The following AGMO variants were observed in gnomAD, a reference collection of about 807,000 sequenced individuals.
AGMO encodes the protein alkylglycerol monooxygenase, also known as glyceryl-ether monooxygenase.
In AGMO, 75 loss-of-function variants were observed where a neutral mutation model predicts 60.2. The observed-to-expected ratio is 1.25, with a 90% CI of 1.03 to 1.51. The LOEUF (loss-of-function observed/expected upper bound fraction) is 1.51. Ranked by LOEUF, AGMO falls within the 40% of genes most tolerant of loss-of-function variation. The pLI is 0.00. For synonymous variants in AGMO, 261 were observed against 177.1 expected (o/e 1.47, Z -3.76); for missense variants, 763 against 525.5 (o/e 1.45, Z -4.42).
the AGMO span, among the ~76,000 whole-genome samples, chr7:15,162,647 T>C: frequency 6.6e-6 from 1 of 152,108 alleles, no homozygotes; most frequent in South Asian, 2.1e-4. Context: ...TGAGCTGTAA[T>C]AGCACCACTG....
At chr7:15,415,387 A>T (rs955617441) in intron 5 of AGMO, among the ~76,000 whole-genome samples, 3 of 151,972 alleles carry the variant, frequency 2.0e-5, no homozygotes, top group African/African-American at 7.2e-5. Flanking sequence ...TACTAAAAAT[A>T]CAAAAATTAG....
chr7:15,552,478 AAAAC>A (rs1238662710), intron 2 of AGMO, among the ~76,000 whole-genome samples: 7 of 150,976 alleles, frequency 4.6e-5, no homozygotes, highest in Admixed American at 1.3e-4. Context: ...TTACAAGAAA[AAAAC>A]AAACAACCCC....
the AGMO span, among the ~76,000 whole-genome samples, chr7:15,142,274 A>ATTTT: frequency 6.6e-6 from 1 of 152,272 alleles, no homozygotes; most frequent in Middle Eastern, 3.4e-3. Flanking sequence ...GGGAAATCCA[A>ATTTT]AGTTAGTTAT....
chr7:15,552,589 A>G (rs2115300748), intron 2 of AGMO, among the ~76,000 whole-genome samples: 1 of 149,664 alleles, frequency 6.7e-6, no homozygotes, highest in East Asian at 2.0e-4. Context: ...ATCACTGGCC[A>G]TCAGAGAAAT....
At chr7:15,224,570 T>C (rs1293717879) in intron 12 of AGMO, among the ~76,000 whole-genome samples, 1 of 152,042 alleles carries the variant, frequency 6.6e-6, no homozygotes. Context: ...AAATTTCTGT[T>C]GTTTAAGCCA....
intron 12 of AGMO, among the ~76,000 whole-genome samples, chr7:15,319,154 T>C (rs1781030301): frequency 6.6e-6 from 1 of 152,170 alleles, no homozygotes; most frequent in African/African-American, 2.4e-5. Flanking sequence ...AGGTTTTATT[T>C]TTCTGTAATG....
intron 3 of AGMO, among the ~76,000 whole-genome samples, chr7:15,514,128 T>C (rs1783747870): frequency 6.6e-6 from 1 of 152,130 alleles, no homozygotes; most frequent in African/African-American, 2.4e-5. Context: ...ACTTCCTCAT[T>C]GACATTTCCA....
intron 10 of AGMO, among the ~76,000 whole-genome samples, chr7:15,369,896 T>C (rs149430749): frequency 1.0e-3 from 154 of 152,314 alleles, no homozygotes; most frequent in African/African-American, 3.4e-3. Flanking sequence ...ACTGAATCTA[T>C]TTCATTTTTT....
chr7:15,256,872 A>G (rs1563057313), intron 12 of AGMO, among the ~76,000 whole-genome samples: 3 of 152,198 alleles, frequency 2.0e-5, no homozygotes, highest in Non-Finnish European at 4.4e-5. Flanking sequence ...GGCATGGGAA[A>G]ATCATAAACT....
chr7:15,461,954 C>A (rs1782154691), intron 3 of AGMO, among the ~76,000 whole-genome samples: 1 of 151,964 alleles, frequency 6.6e-6, no homozygotes. Flanking sequence ...TATTTATATA[C>A]CACAAATGGT....
chr7:15,408,520 A>G (rs1428391505), intron 5 of AGMO, among the ~76,000 whole-genome samples: 2 of 151,868 alleles, frequency 1.3e-5, no homozygotes, highest in Non-Finnish European at 2.9e-5. Context: ...CAACTCAACC[A>G]GTGTATAATG....
At chr7:15,539,125 GATT>G (rs1229932766) in intron 3 of AGMO, among the ~76,000 whole-genome samples, 4 of 151,870 alleles carry the variant, frequency 2.6e-5, no homozygotes, top group South Asian at 2.1e-4. Context: ...TAATTTTTAT[GATT>G]ATTATTATTA....
chr7:15,319,027 T>A (rs1781026542), intron 12 of AGMO, among the ~76,000 whole-genome samples: 1 of 152,156 alleles, frequency 6.6e-6, no homozygotes, highest in South Asian at 2.1e-4. Context: ...AGTTGATTAT[T>A]GCCAAACTCT....
chr7:15,154,630 T>C, the AGMO span, among the ~76,000 whole-genome samples: 8 of 152,190 alleles, frequency 5.3e-5, no homozygotes, highest in African/African-American at 1.9e-4. Flanking sequence ...ATGTGAAGAT[T>C]TGATCATGTG....
intron 3 of AGMO, among the ~76,000 whole-genome samples, chr7:15,521,525 A>T (rs760798692): frequency 1.2e-4 from 18 of 152,228 alleles, no homozygotes; most frequent in Non-Finnish European, 1.9e-4. Flanking sequence ...CATCCCTGAG[A>T]TGCAAGGCTG....
intron 12 of AGMO, among the ~76,000 whole-genome samples, chr7:15,323,706 A>T (rs894801855): frequency 1.3e-5 from 2 of 152,202 alleles, no homozygotes; most frequent in African/African-American, 4.8e-5. Flanking sequence ...TATGGGATGG[A>T]AAAGACTGCC....
intron 3 of AGMO, among the ~76,000 whole-genome samples, chr7:15,536,779 G>A (rs543784745): frequency 1.1e-4 from 17 of 151,924 alleles, no homozygotes; most frequent in South Asian, 2.1e-4. Context: ...GATGATTACC[G>A]CAAAAATCTT....
intron 12 of AGMO, among the ~76,000 whole-genome samples, chr7:15,280,847 C>T (rs777800642): frequency 5.9e-5 from 9 of 152,174 alleles, no homozygotes; most frequent in Non-Finnish European, 8.8e-5. Flanking sequence ...TCTGAGAAAG[C>T]CAACACACTA....
At chr7:15,231,222 G>T (rs1243037970) in intron 12 of AGMO, among the ~76,000 whole-genome samples, 1 of 152,314 alleles carries the variant, frequency 6.6e-6, no homozygotes, top group Middle Eastern at 3.4e-3. Context: ...AATGGAAGTT[G>T]CAGTAGGACA....
Sources: allele counts gnomAD v4.1 joint callset (sites outside exome capture counted in the v4.1 genomes callset), GRCh38; gene constraint gnomAD v4.1.1; transcripts MANE v1.5; gene names NCBI Gene and HGNC (gene_info 2026-07-23, HGNC 2026-07-21).